Variants in ADCY4 observed in about 807,000 individuals in gnomAD.
ADCY4 encodes the protein adenylate cyclase 4, also known as adenylate cyclase type 4.
Under a neutral mutation model 125.5 loss-of-function variants are expected in ADCY4, and 111 were observed. That is an observed-to-expected ratio of 0.88 (90% confidence interval 0.76 to 1.04). The LOEUF (loss-of-function observed/expected upper bound fraction) is 1.04, where lower values mean the gene tolerates loss of function less well. ADCY4 is among the 50% of genes least tolerant of loss of function. ADCY4 has a pLI of 0.00. For synonymous variants in ADCY4, 576 were observed against 586.9 expected (o/e 0.98, Z 0.27); for missense variants, 1,256 against 1,382.9 (o/e 0.91, Z 1.46).
In ADCY4 at chr14:24,328,915, G is replaced by T. The variant is rs2041994569; in HGVS notation, c.1524+146C>A. ...GGAAGGGCCTGAACCAGTGACTGGG[G>T]TGACAAGACAGTTCGGGACTTTGGG... is the stretch of plus-strand genomic sequence containing the variant. On this transcript the variant is annotated intron_variant, in intron 10 of 24. Transcript: ENST00000418030. 3 of 1,040,210 alleles carry T rather than the reference G, an allele frequency of 2.9e-6. No homozygotes were observed. The South Asian group carries it at 4.6e-5, about 16-fold the overall frequency. The allele number at this position is 1,040,210 out of a possible 1,614,324, so 64.4% of individuals were successfully genotyped here.
chr14:24,330,121 C>T, intron 7 of ADCY4, 47 bp downstream of exon 7: 2 of 1,602,332 alleles, frequency 1.2e-6, no homozygotes, highest in Non-Finnish European at 1.7e-6. Flanking sequence ...GCCTGCTGCC[C>T]CCCACATCCA....
chr14:24,322,419 C>T (rs1011998138), intron 19 of ADCY4, 195 bp from the exon 20 acceptor site: 6 of 857,802 alleles, frequency 7.0e-6, no homozygotes, highest in Non-Finnish European at 1.1e-5. Context: ...AGAGAATTGG[C>T]AGCAGACTTT....
intron 20 of ADCY4, among the ~76,000 whole-genome samples, chr14:24,320,720 A>G (rs1434446812): frequency 2.0e-5 from 3 of 152,228 alleles, no homozygotes; most frequent in Admixed American, 1.3e-4. Flanking sequence ...GCAGCATCCA[A>G]TAGAAATTTT....
At chr14:24,330,479 C>G in intron 6 of ADCY4, 184 bp from the exon 7 acceptor site, 1 of 791,168 alleles carries the variant, frequency 1.3e-6, no homozygotes, top group Non-Finnish European at 1.9e-6. Context: ...ATACAGATCT[C>G]TTTCTCAGAA....
intron 19 of ADCY4, 187 bp downstream of exon 19, chr14:24,322,437 G>A (rs1404882276): frequency 2.3e-6 from 2 of 858,542 alleles, no homozygotes; most frequent in African/African-American, 3.4e-5. Flanking sequence ...TTTTTCTAAA[G>A]CATGGGCTTT....
Position 24,334,656 on chromosome 14 carries a change from C to A in ADCY4, c.-4G>T. ...GGGGGCTGAAGAGGCGGGCCATGAT[C>A]TCCCCAGCCCCGAGCCCCGGGGCTG... is the stretch of plus-strand genomic sequence containing the variant. On this transcript the variant is annotated 5_prime_UTR_variant, in exon 1 of 25. Coordinates refer to ENST00000418030, the MANE Select transcript of ADCY4 (RefSeq NM_001198568.2). The A allele has an allele frequency of 6.5e-7, 1 of 1,537,920 alleles. No individual in the cohort carries two copies. Among genetic ancestry groups the A allele is most frequent in the Non-Finnish European group, 8.7e-7 (1 of 1,144,492 alleles).
intron 20 of ADCY4, chr14:24,321,637 A>G (rs776645408): frequency 7.6e-5 from 17 of 222,960 alleles, no homozygotes; most frequent in Non-Finnish European, 1.3e-4. Context: ...AATAAGGTTC[A>G]AGTTCCTATG....
In ADCY4 at chr14:24,319,983, T is replaced by C; in HGVS notation, c.2587-95A>G. 1 of 1,431,014 alleles carries C rather than the reference T, an allele frequency of 7.0e-7. No homozygotes were observed. The highest frequency in any genetic ancestry group is 9.4e-7 in the Non-Finnish European group (1 of 1,060,886). The allele number at this position is 1,431,014 out of a possible 1,614,324, so 88.6% of individuals were successfully genotyped here. On this transcript the variant is annotated intron_variant, in intron 20 of 24. Coordinates refer to ENST00000418030, the MANE Select transcript of ADCY4 (RefSeq NM_001198568.2). The surrounding 1 kb of genome is among the most constrained non-coding windows in gnomAD (Gnocchi z 4.5). The stretch of plus-strand genomic sequence containing the variant: ...GCCCTCCTCCCCATGTCCACACTCC[T>C]GGTCTCCCTGTTTAAGAAGAATTGG...
rs1335645392 is a variant in ADCY4 at position 24,319,813 on chromosome 14, C to T, written c.2662G>A (p.Glu888Lys). 3.1e-6 allele frequency: 5 copies of T among 1,614,028 alleles called. No homozygotes were observed. The African/African-American group carries it at 5.3e-5, about 17-fold the overall frequency. ...AGGCCCTCATGATTGATGTTGGATTCAGAGTAGAACTCCTTGAAGTCTGGG... is the reference window on the plus strand; with the variant it reads ...AGGCCCTCATGATTGATGTTGGATTTAGAGTAGAACTCCTTGAAGTCTGGG... Reference protein sequence around the residue: ...SVPDFKEFYSESNINHEGLEC... With the variant: ...SVPDFKEFYSKSNINHEGLEC... The change falls in exon 21 of 25, where the codon GAA (glutamate) becomes AAA (lysine). Residue 888 changes from glutamate to lysine, a missense_variant. Glu to Lys is a moderately conservative substitution (Grantham distance 56, BLOSUM62 1). Transcript: ENST00000418030. This position sits in a 1 kb window ranked among gnomAD's most constrained non-coding sequence, Gnocchi z 4.5.
Position 24,322,185 on chromosome 14 carries a change from T to A in ADCY4, c.2467A>T (p.Lys823Ter), listed in dbSNP as rs764583308. 9 of 1,613,932 alleles carry A rather than the reference T, an allele frequency of 5.6e-6. No individual in the cohort carries two copies. The highest frequency in any genetic ancestry group is 7.6e-6 in the Non-Finnish European group (9 of 1,179,948). Residue 823 changes from lysine to a stop codon, truncating the protein, a stop_gained, in exon 20 of 25, where the codon AAG (lysine) becomes TAG (stop). Coordinates refer to ENST00000418030, the MANE Select transcript of ADCY4 (RefSeq NM_001198568.2). LOFTEE classifies it high-confidence loss of function. ...YCRLDFLWKK[K>*]LRQEREETET... ...GTCTCCTCCCTCTCCTGCCTCAGCT[T>A]CTTCTTCCACAGGAAGTCCAGGCGG... is the stretch of plus-strand genomic sequence containing the variant.
intron 14 of ADCY4, 90 bp downstream of exon 14, chr14:24,325,287 G>A: frequency 2.8e-6 from 3 of 1,057,384 alleles, no homozygotes; most frequent in South Asian, 1.3e-5. Context: ...TAAGGGGAAG[G>A]GGTGAAGGAA....
intron 16 of ADCY4, 76 bp from the exon 17 acceptor site, chr14:24,323,530 A>G: frequency 1.3e-6 from 2 of 1,533,084 alleles, no homozygotes; most frequent in South Asian, 1.2e-5. Flanking sequence ...GTTTCAGCTG[A>G]CCCAGGGATG....
At chr14:24,321,777 G>T (rs969825267) in intron 20 of ADCY4, 1 of 1,120,634 alleles carries the variant, frequency 8.9e-7, no homozygotes. Context: ...CGGCCTGGGG[G>T]CTGGGGACCC....
Position 24,326,424 on chromosome 14 carries a change from C to G in ADCY4, c.1525-82G>C, listed in dbSNP as rs975254628. Reference sequence around the variant, plus strand: ...TAGACCATGAGCCACACTGCATGCTCTATACATGTCTTTGACCTTGGGCAT... The same window carrying G: ...TAGACCATGAGCCACACTGCATGCTGTATACATGTCTTTGACCTTGGGCAT... On this transcript the variant is annotated intron_variant, in intron 10 of 24. Coordinates refer to ENST00000418030, the MANE Select transcript of ADCY4 (RefSeq NM_001198568.2). 63 of 1,515,668 alleles carry G rather than the reference C, an allele frequency of 4.2e-5. No individual in the cohort carries two copies. The African/African-American group carries it at 7.3e-4, about 17-fold the overall frequency. 93.9% of individuals were successfully genotyped at this position (1,515,668 alleles called of 1,614,324 possible). A position where few individuals can be genotyped will look rare whatever the true frequency, so the allele number is the denominator to read the frequency against.
intron 3 of ADCY4, 78 bp from the exon 4 acceptor site, chr14:24,332,015 G>A: frequency 7.1e-7 from 1 of 1,417,988 alleles, no homozygotes. Flanking sequence ...CTCAAAGACT[G>A]GCTGGGGAAG....
chr14:24,321,497 T>TA (rs759723199), intron 20 of ADCY4, among the ~76,000 whole-genome samples: 392 of 141,226 alleles, frequency 2.8e-3, no homozygotes, highest in East Asian at 0.011. Context: ...AACTGTGTCT[T>TA]AAAAAAAAAA....
chr14:24,333,305 CT>C (rs2042077915), intron 1 of ADCY4, among the ~76,000 whole-genome samples: 1 of 152,316 alleles, frequency 6.6e-6, no homozygotes, highest in African/African-American at 2.4e-5. Context: ...ACTGCAACCT[CT>C]GCCTCCCGGG....
chr14:24,323,081 A>G lies in ADCY4; in HGVS notation c.2165T>C (p.Met722Thr). 1 of 1,614,040 alleles carries G rather than the reference A, an allele frequency of 6.2e-7. No homozygotes were observed. The highest frequency in any genetic ancestry group is 8.5e-7 in the Non-Finnish European group (1 of 1,179,982). ...GAGGAAGCCCAGCGTGCAGCAGTGC[A>G]TGGAGTACTGTGGGGCCAGGCAGGG... ...SLPLISVPYS[M>T]HCCTLGFLSC... The change falls in exon 18 of 25, where the codon ATG (methionine) becomes ACG (threonine). Residue 722 changes from methionine (M) to threonine (T), a missense_variant. Physicochemically the swap from Met to Thr is moderately conservative, Grantham distance 81. Coordinates refer to ENST00000418030, the MANE Select transcript of ADCY4 (RefSeq NM_001198568.2).
Position 24,334,668 on chromosome 14 carries a change from G to A in ADCY4, c.-16C>T, listed in dbSNP as rs1221464262. 1.3e-6 allele frequency: 2 copies of A among 1,526,586 alleles called. No homozygotes were observed. The highest frequency in any genetic ancestry group is 1.8e-6 in the Non-Finnish European group (2 of 1,139,536). The allele number at this position is 1,526,586 out of a possible 1,614,324, so 94.6% of individuals were successfully genotyped here. A position where few individuals can be genotyped will look rare whatever the true frequency, so the allele number is the denominator to read the frequency against. Reference sequence around the variant, plus strand: ...GGCGGGCCATGATCTCCCCAGCCCCGAGCCCCGGGGCTGGCTAGGGCCGGG... The same window carrying A: ...GGCGGGCCATGATCTCCCCAGCCCCAAGCCCCGGGGCTGGCTAGGGCCGGG... On this transcript the variant is annotated 5_prime_UTR_variant, in exon 1 of 25. Transcript: ENST00000418030.
Sources: gnomAD v4.1 joint callset for allele counts (sites outside exome capture counted in the v4.1 genomes callset) on GRCh38, gnomAD v4.1.1 for gene constraint, Gnocchi (gnomAD v3.1) non-coding constraint, MANE v1.5 for transcripts, NCBI Gene and HGNC (gene_info 2026-07-23, HGNC 2026-07-21) for gene names.